STAMBP: variants seen among roughly 807,000 people sequenced by gnomAD.
STAMBP encodes STAM-binding protein.
A neutral mutation model predicts 50.7 loss-of-function variants in STAMBP; 31 were observed. The ratio of observed to expected loss-of-function variants is 0.61; its 90% confidence interval spans 0.46 to 0.83. The LOEUF is 0.83. STAMBP is among the 40% of genes least tolerant of loss of function. STAMBP has a pLI of 0.00. For missense variants in STAMBP, 472 were observed against 518.9 expected, an observed-to-expected ratio of 0.91 and a Z score of 0.88; for synonymous variants, 211 against 192.4, an observed-to-expected ratio of 1.10 and a Z score of -0.80.
In STAMBP at chr2:73,855,105, G is replaced by T. The variant is rs578110832; in HGVS notation, c.1006-4149G>T. ...TCTTAACCTTGTCAACTATGAATCA[G>T]CTGCCCAGGTCAAAAGTATGGTTAT... is the stretch of plus-strand genomic sequence containing the variant. On this transcript the variant is annotated intron_variant, in intron 7 of 9. Coordinates refer to ENST00000394070, the MANE Select transcript of STAMBP (RefSeq NM_213622.4). 2.0e-5 allele frequency among the ~76,000 whole-genome samples: 3 copies of T among 152,296 alleles called. No individual in the cohort carries two copies. The South Asian group carries it at 6.2e-4, about 32-fold the overall frequency.
rs758336977 is a variant in STAMBP, at chr2:73,847,470, G to T, written c.459G>T (p.Lys153Asn). ...EKEKQRVAQQ[K>N]QQQLEQEQFH... ...AAAAACAGAGGGTAGCACAACAGAA[G>T]CAGCAGCAATTGGAACAGGAACAGT... The change falls in exon 5 of 10, where the codon AAG becomes AAT. Residue 153 changes from lysine to asparagine, a missense_variant. Physicochemically the swap from Lys to Asn is moderately conservative, Grantham distance 94. Coordinates refer to ENST00000394070, the MANE Select transcript of STAMBP (RefSeq NM_213622.4). 6.2e-7 allele frequency: 1 copy of T among 1,614,210 alleles called. No homozygotes were observed. The highest frequency in any genetic ancestry group is 1.7e-5 in the Admixed American group (1 of 60,028).
At chr2:73,840,043 C>G (rs1675179377) in intron 2 of STAMBP, among the ~76,000 whole-genome samples, 2 of 152,214 alleles carry the variant, frequency 1.3e-5, no homozygotes, top group African/African-American at 2.4e-5. Context: ...ATTCCCCTAT[C>G]CCTTTCTATC....
At chr2:73,852,525 G>A (rs1308748743) in intron 7 of STAMBP, among the ~76,000 whole-genome samples, 1 of 152,208 alleles carries the variant, frequency 6.6e-6, no homozygotes, top group Non-Finnish European at 1.5e-5. Flanking sequence ...CCTGGAAGTA[G>A]GAGAAGAGTC....
chr2:73,832,112 C>CACACACAT (rs1037600275), intron 2 of STAMBP, among the ~76,000 whole-genome samples: 2 of 78,020 alleles, frequency 2.6e-5, no homozygotes, highest in African/African-American at 1.3e-4. Context: ...TATATATACA[C>CACACACAT]ATATATATGG....
At chr2:73,855,197 C>A (rs997401333) in intron 7 of STAMBP, among the ~76,000 whole-genome samples, 1 of 152,190 alleles carries the variant, frequency 6.6e-6, no homozygotes, top group Non-Finnish European at 1.5e-5. Context: ...CATGTTTCAG[C>A]GCTATCTGAG....
At chr2:73,855,744 A>G (rs1464515496) in intron 7 of STAMBP, 18 of 455,320 alleles carry the variant, frequency 4.0e-5, no homozygotes, top group African/African-American at 3.6e-4. Flanking sequence ...AGCTCATCAC[A>G]GCACCCTGTG....
At chr2:73,861,802 C>T (rs1356187549) in intron 9 of STAMBP, among the ~76,000 whole-genome samples, 1 of 150,044 alleles carries the variant, frequency 6.7e-6, no homozygotes. Flanking sequence ...GCTGGGATTA[C>T]AAGCGTGAGC....
chr2:73,861,370 AAC>A (rs1678299883), intron 9 of STAMBP, among the ~76,000 whole-genome samples: 1 of 152,192 alleles, frequency 6.6e-6, no homozygotes, highest in Non-Finnish European at 1.5e-5. Context: ...TAAATGGGCA[AAC>A]ACTGATTCCA....
intron 6 of STAMBP, 64 bp downstream of exon 6, chr2:73,849,551 C>G: frequency 1.3e-6 from 2 of 1,524,148 alleles, no homozygotes; most frequent in South Asian, 2.6e-5. Context: ...CTCTTGGCAT[C>G]CTGTGACTCT....
chr2:73,870,200 C>T (rs1464578668), downstream of STAMBP: 6 of 152,214 alleles, frequency 3.9e-5, no homozygotes, highest in African/African-American at 1.2e-4. Context: ...TATTCTTGGA[C>T]AGCATCAGTG....
intron 2 of STAMBP, among the ~76,000 whole-genome samples, chr2:73,835,601 A>G (rs1434638559): frequency 6.6e-6 from 1 of 152,168 alleles, no homozygotes; most frequent in Non-Finnish European, 1.5e-5. Flanking sequence ...TAGTGTGGCA[A>G]CATGGAAAGA....
Position 73,847,425 on chromosome 2 carries a change from C to G in STAMBP, c.414C>G (p.Ile138Met), listed in dbSNP as rs757404623. 12 of 1,612,684 alleles carry G rather than the reference C, an allele frequency of 7.4e-6. No individual in the cohort carries two copies. The highest frequency in any genetic ancestry group is 6.7e-5 in the East Asian group (3 of 44,872). The change falls in exon 5 of 10, where the codon ATC (isoleucine) becomes ATG (methionine). Residue 138 changes from isoleucine (I) to methionine (M), a missense_variant. Ile to Met is a conservative substitution (Grantham distance 10, BLOSUM62 1). Transcript: ENST00000394070. ...AGGAATTGGCCCGGAACATGGCCATCCAGCAAGAGCTGGAAAAGGAAAAAC... is the reference window on the plus strand; with the variant it reads ...AGGAATTGGCCCGGAACATGGCCATGCAGCAAGAGCTGGAAAAGGAAAAAC... Reference protein sequence around the residue: ...EAEELARNMAIQQELEKEKQR... With the variant: ...EAEELARNMAMQQELEKEKQR...
chr2:73,841,186 A>G (rs1373478327), intron 2 of STAMBP, among the ~76,000 whole-genome samples: 1 of 152,168 alleles, frequency 6.6e-6, no homozygotes, highest in Non-Finnish European at 1.5e-5. Flanking sequence ...GGCTTCAACC[A>G]GATATAACCC....
chr2:73,845,052 G>C (rs1312142000), intron 3 of STAMBP, 115 bp from the exon 4 acceptor site: 2 of 1,544,576 alleles, frequency 1.3e-6, no homozygotes, highest in East Asian at 4.7e-5. Flanking sequence ...GTACAGTAGG[G>C]GGTATTTTAA....
At chr2:73,834,603 G>A (rs1674497337) in intron 2 of STAMBP, among the ~76,000 whole-genome samples, 1 of 152,014 alleles carries the variant, frequency 6.6e-6, no homozygotes, top group South Asian at 2.1e-4. Flanking sequence ...GTAAATCCGT[G>A]TATAAATGGA....
intron 7 of STAMBP, among the ~76,000 whole-genome samples, chr2:73,853,902 T>G (rs951829457): frequency 1.3e-5 from 2 of 152,248 alleles, no homozygotes; most frequent in Non-Finnish European, 2.9e-5. Context: ...CTAAACACTA[T>G]AGTTTACTTT....
At position 73,850,504 on chromosome 2, in the gene STAMBP, C is replaced by G. The variant is rs1424269002; in HGVS notation, c.996C>G (p.Gly332=). The change falls in exon 7 of 10, where the codon GGC becomes GGG. Residue 332 remains glycine, a synonymous_variant. Transcript: ENST00000394070. This position sits in a 1 kb window ranked among gnomAD's most constrained non-coding sequence, Gnocchi z 4.3. ...IQDQQGLITL[G]WIHTHPTQTA... is the part of the protein sequence containing the mutation. ...ATCAGCAGGGCCTCATCACACTGGG[C>G]TGGATTCATGTAAGCAATTCTGAGC... 3 of 1,613,026 alleles carry G rather than the reference C, an allele frequency of 1.9e-6. No individual in the cohort carries two copies. The Admixed American group carries it at 5.0e-5, about 27-fold the overall frequency.
chr2:73,871,034 C>T (rs111553824), downstream of STAMBP, among the ~76,000 whole-genome samples: 2,364 of 152,172 alleles, frequency 0.016, 65 homozygotes, highest in African/African-American at 0.054. Context: ...CCTTCCAAAG[C>T]GCTGGGATTA....
At chr2:73,834,463 A>C (rs886713439) in intron 2 of STAMBP, among the ~76,000 whole-genome samples, 4 of 151,590 alleles carry the variant, frequency 2.6e-5, no homozygotes, top group African/African-American at 4.9e-5. Flanking sequence ...TAAAGAATAG[A>C]AAATATAGAT....
Sources: allele counts gnomAD v4.1 joint callset (sites outside exome capture counted in the v4.1 genomes callset), GRCh38; gene constraint gnomAD v4.1.1; non-coding constraint Gnocchi (gnomAD v3.1); transcripts MANE v1.5; gene names NCBI Gene and HGNC (gene_info 2026-07-23, HGNC 2026-07-21).